Variants in LAP3 observed in about 807,000 individuals in gnomAD.
LAP3 encodes cytosol aminopeptidase.
LAP3 carries 46 observed loss-of-function variants against 58.8 expected under a neutral mutation model. The observed-to-expected ratio is 0.78, with a 90% confidence interval of 0.62 to 1.00. The LOEUF is 1.00. LAP3 is among the 50% of genes least tolerant of loss of function. LAP3 has a pLI of 0.00. For synonymous variants in LAP3, 257 were observed against 237.7 expected (o/e 1.08, Z -0.75); for missense variants, 615 against 659.1 (o/e 0.93, Z 0.73).
intron 5 of LAP3, among the ~76,000 whole-genome samples, chr4:17,584,127 G>A (rs1206655853): frequency 6.6e-6 from 1 of 152,256 alleles, no homozygotes; most frequent in Non-Finnish European, 1.5e-5. Flanking sequence ...AGCACAGTGG[G>A]GGCCCTGGCA....
At chr4:17,601,609 C>G (rs1484944764) in intron 10 of LAP3, among the ~76,000 whole-genome samples, 1 of 152,032 alleles carries the variant, frequency 6.6e-6, no homozygotes, top group Non-Finnish European at 1.5e-5. Context: ...TCTAGGATCC[C>G]CCCTCAGATA....
At chr4:17,591,223 C>G (rs1012882445) in intron 7 of LAP3, among the ~76,000 whole-genome samples, 19 of 151,914 alleles carry the variant, frequency 1.3e-4, no homozygotes, top group African/African-American at 4.6e-4. Context: ...ATTACAGGTG[C>G]CTGCTACCAC....
At chr4:17,590,751 T>TACTA (rs1364954756) in intron 7 of LAP3, among the ~76,000 whole-genome samples, 5 of 151,706 alleles carry the variant, frequency 3.3e-5, no homozygotes, top group African/African-American at 1.2e-4. Flanking sequence ...TTTTGTAGTT[T>TACTA]TAGTAGAGAT....
intron 8 of LAP3, among the ~76,000 whole-genome samples, chr4:17,595,852 G>A (rs1342928293): frequency 1.3e-5 from 2 of 152,104 alleles, no homozygotes; most frequent in African/African-American, 4.8e-5. Context: ...GTGGCAGGAC[G>A]TTGCTGGCTC....
chr4:17,596,905 AT>A, intron 8 of LAP3, 140 bp from the exon 9 acceptor site: 1 of 669,250 alleles, frequency 1.5e-6, no homozygotes, highest in Non-Finnish European at 2.7e-6. Context: ...CAGTTGTGTC[AT>A]TGGTGATGTT....
intron 7 of LAP3, among the ~76,000 whole-genome samples, chr4:17,594,816 C>T (rs1373769153): frequency 6.6e-6 from 1 of 152,142 alleles, no homozygotes; most frequent in African/African-American, 2.4e-5. Context: ...TCTGTGAGCT[C>T]ATCAGCTTTT....
intron 1 of LAP3, 120 bp downstream of exon 1, chr4:17,577,687 T>G: frequency 1.3e-6 from 1 of 745,138 alleles, no homozygotes; most frequent in Non-Finnish European, 2.1e-6. Flanking sequence ...CAAAAATCAG[T>G]TTAAAAGAAA....
At chr4:17,607,252 A>G (rs1337969811) in intron 12 of LAP3, 148 bp from the exon 13 acceptor site, 12 of 634,906 alleles carry the variant, frequency 1.9e-5, no homozygotes, top group Non-Finnish European at 3.0e-5. Context: ...GAAAATAAAT[A>G]TTCTGAAACT....
At chr4:17,584,743 G>T in intron 5 of LAP3, 1 of 390,654 alleles carries the variant, frequency 2.6e-6, no homozygotes, top group East Asian at 4.5e-5. Context: ...TGCCTGACCG[G>T]ATACCCTCTG....
At chr4:17,604,066 C>G (rs1180251014) in intron 10 of LAP3, among the ~76,000 whole-genome samples, 1 of 151,434 alleles carries the variant, frequency 6.6e-6, no homozygotes, top group East Asian at 1.9e-4. Flanking sequence ...GGTGATCCCA[C>G]CCGTGATGGG....
intron 4 of LAP3, 152 bp downstream of exon 4, chr4:17,582,545 A>G (rs897776720): frequency 1.3e-5 from 8 of 625,006 alleles, no homozygotes; most frequent in Middle Eastern, 2.6e-4. Context: ...CTCTTGCTGA[A>G]TATGGTTGGC....
rs573176096 is a variant in LAP3 at position 17,585,270 on chromosome 4, A to G, written c.704+134A>G. The G allele has an allele frequency of 1.7e-4, 116 of 667,926 alleles. No homozygotes were observed. The African/African-American group carries it at 1.8e-3, about 10-fold the overall frequency. The allele number at this position is 667,926 out of a possible 1,614,324, so 41.4% of individuals were successfully genotyped here. A position where few individuals can be genotyped will look rare whatever the true frequency, so the allele number is the denominator to read the frequency against. On this transcript the variant is annotated intron_variant, in intron 6 of 12. Coordinates refer to ENST00000226299, the MANE Select transcript of LAP3 (RefSeq NM_015907.3). ...TTTGAGATGACCCACTTGGGTCCAC[A>G]TGGGGAGCTGGAATAGAGCTGAGTT...
rs752655007 is a variant in LAP3 at position 17,588,934 on chromosome 4, G to A, written c.820G>A (p.Glu274Lys). The change falls in exon 7 of 13, where the codon GAA (glutamate) becomes AAA (lysine). Residue 274 changes from glutamate to lysine, a missense_variant. Coordinates refer to ENST00000226299, the MANE Select transcript of LAP3 (RefSeq NM_015907.3). ...CTACAAAGGCAGCCCCAATGCAAAC[G>A]AACCACCCCTGGTGTTTGTTGGGAA... ...IHYKGSPNAN[E>K]PPLVFVGKGI... is the part of the protein sequence containing the mutation. The A allele has an allele frequency of 3.7e-6, 6 of 1,614,128 alleles. No homozygotes were observed. The highest frequency in any genetic ancestry group is 4.5e-5 in the East Asian group (2 of 44,884).
At chr4:17,587,006 T>C (rs1713533056) in intron 6 of LAP3, among the ~76,000 whole-genome samples, 1 of 152,108 alleles carries the variant, frequency 6.6e-6, no homozygotes, top group South Asian at 2.1e-4. Flanking sequence ...CTCGGGAAGC[T>C]GAGGCACAAG....
At position 17,607,018 on chromosome 4, in the gene LAP3, T is replaced by C. The variant is rs116433753; in HGVS notation, c.1370+80T>C. 751 of 865,640 alleles carry C rather than the reference T, an allele frequency of 8.7e-4. 8 individuals carry two copies. The African/African-American group carries it at 0.011, about 13-fold the overall frequency. The allele number at this position is 865,640 out of a possible 1,614,324, so 53.6% of individuals were successfully genotyped here. On this transcript the variant is annotated intron_variant, in intron 12 of 12. Coordinates refer to ENST00000226299, the MANE Select transcript of LAP3 (RefSeq NM_015907.3). ...AGCTATTTTCAATTTTATCCCCTTA[T>C]ATAAAAGGTTTAACTATTTAATTTC...
At position 17,583,439 on chromosome 4, in the gene LAP3, G is replaced by A. The variant is rs937958194; in HGVS notation, c.380-44G>A. ...GCCTCTGCTGTCTGCTCTTTGAGTTGTCTTGGACTGACTCCAGTTTTCTGA... is the reference window on the plus strand; with the variant it reads ...GCCTCTGCTGTCTGCTCTTTGAGTTATCTTGGACTGACTCCAGTTTTCTGA... On this transcript the variant is annotated intron_variant, in intron 4 of 12. Coordinates refer to ENST00000226299, the MANE Select transcript of LAP3 (RefSeq NM_015907.3). The A allele has an allele frequency of 3.1e-6, 5 of 1,610,092 alleles. No homozygotes were observed. The African/African-American group carries it at 4.0e-5, about 13-fold the overall frequency.
intron 10 of LAP3, among the ~76,000 whole-genome samples, chr4:17,600,580 A>G (rs924433063): frequency 2.6e-5 from 4 of 152,120 alleles, no homozygotes; most frequent in African/African-American, 9.7e-5. Context: ...ATTCTACCCC[A>G]CTTTTTTCTC....
At chr4:17,602,064 C>T (rs1713993624) in intron 10 of LAP3, among the ~76,000 whole-genome samples, 1 of 152,192 alleles carries the variant, frequency 6.6e-6, no homozygotes, top group African/African-American at 2.4e-5. Context: ...CTTTGCATTG[C>T]AGGGAGCAAA....
chr4:17,579,313 CT>C (rs1475248883), intron 1 of LAP3, among the ~76,000 whole-genome samples: 3 of 151,772 alleles, frequency 2.0e-5, no homozygotes, highest in African/African-American at 7.3e-5. Context: ...TAAGAATGTT[CT>C]CCTTTTCCTG....
Sources: allele counts gnomAD v4.1 joint callset (sites outside exome capture counted in the v4.1 genomes callset), GRCh38; gene constraint gnomAD v4.1.1; transcripts MANE v1.5; gene names NCBI Gene and HGNC (gene_info 2026-07-23, HGNC 2026-07-21).